The following DGLUCY variants were observed in gnomAD, a reference collection of about 807,000 sequenced individuals.
DGLUCY encodes D-glutamate cyclase, mitochondrial.
DGLUCY carries 58 observed loss-of-function variants against 58.5 expected under a neutral mutation model. The ratio of observed to expected loss-of-function variants is 0.99; its 90% CI spans 0.80 to 1.23. The LOEUF is 1.23. Ranked by LOEUF, DGLUCY falls within the 50% of genes most tolerant of loss-of-function variation. The pLI is 0.00. For synonymous variants in DGLUCY, 325 were observed against 314.1 expected, an observed-to-expected ratio of 1.03 and a Z score of -0.37; for missense variants, 779 against 784.7, an observed-to-expected ratio of 0.99 and a Z score of 0.09.
intron 10 of DGLUCY, among the ~76,000 whole-genome samples, chr14:91,197,931 G>A (rs2050317809): frequency 6.6e-6 from 1 of 152,148 alleles, no homozygotes; most frequent in African/African-American, 2.4e-5. Flanking sequence ...GGATCATATG[G>A]TATGTTCTAT....
At chr14:91,106,326 C>G (rs76086179), upstream of DGLUCY, among the ~76,000 whole-genome samples, 1 of 151,248 alleles carries the variant, frequency 6.6e-6, no homozygotes. Context: ...CCCCAAAAAA[C>G]TTATGGACCA....
chr14:91,169,405 TTC>T (rs199637038), intron 4 of DGLUCY, among the ~76,000 whole-genome samples: 4 of 151,068 alleles, frequency 2.6e-5, no homozygotes, highest in African/African-American at 7.3e-5. Context: ...TTTCTTCTTC[TTC>T]TTTTTTTTTT....
chr14:91,106,949 T>C (rs763244029), upstream of DGLUCY, among the ~76,000 whole-genome samples: 8 of 152,240 alleles, frequency 5.3e-5, no homozygotes, highest in Non-Finnish European at 1.5e-5. Flanking sequence ...TTCATCCATT[T>C]AAAGTTTTGG....
chr14:91,081,450 G>A (rs1218301284), intron 1 of DGLUCY, among the ~76,000 whole-genome samples: 5 of 152,200 alleles, frequency 3.3e-5, no homozygotes, highest in Non-Finnish European at 7.4e-5. Flanking sequence ...CCTTTCCAAA[G>A]GGTGATATTT....
chr14:91,099,463 G>T (rs2044448673), intron 1 of DGLUCY, among the ~76,000 whole-genome samples: 1 of 151,510 alleles, frequency 6.6e-6, no homozygotes, highest in African/African-American at 2.4e-5. Context: ...AGCCCAGAAG[G>T]TTGAGGCTGC....
intron 1 of DGLUCY, among the ~76,000 whole-genome samples, chr14:91,090,859 A>C (rs1430702162): frequency 1.3e-5 from 2 of 152,182 alleles, no homozygotes; most frequent in Non-Finnish European, 2.9e-5. Context: ...ACTGTGGGTG[A>C]GCATCCTACA....
At chr14:91,157,973 G>C (rs2140333703) in intron 2 of DGLUCY, among the ~76,000 whole-genome samples, 1 of 152,346 alleles carries the variant, frequency 6.6e-6, no homozygotes, top group Non-Finnish European at 1.5e-5. Context: ...AATAATGAGG[G>C]TGGGTGGAGG....
In DGLUCY at chr14:91,224,749, C is replaced by T. The variant is rs1005752082; in HGVS notation, c.1782C>T (p.Gly594=). Residue 594 remains glycine (G), a synonymous_variant, in exon 14 of 14, where the codon GGC becomes GGT. Coordinates refer to ENST00000256324, the MANE Select transcript of DGLUCY (RefSeq NM_001102368.3). ...GGAGTGGCGTCTCGGGCATCGTGGG[C>T]ATGGAGGTGGATGGGCTGCCCTTCC... ...KVRSGVSGIV[G]MEVDGLPFHN... 1 of 1,613,742 alleles carries T rather than the reference C, an allele frequency of 6.2e-7. No individual in the cohort carries two copies. The highest frequency in any genetic ancestry group is 8.5e-7 in the Non-Finnish European group (1 of 1,179,820).
chr14:91,074,104 A>AT (rs1376036259), intron 1 of DGLUCY, among the ~76,000 whole-genome samples: 77 of 96,084 alleles, frequency 8.0e-4, no homozygotes, highest in African/African-American at 2.2e-3. Context: ...AAAAAAAAAA[A>AT]ATATATATAT....
chr14:91,173,465 G>A, intron 6 of DGLUCY, 26 bp downstream of exon 6: 1 of 1,570,564 alleles, frequency 6.4e-7, no homozygotes, highest in South Asian at 1.2e-5. Context: ...TCCTGCCCAT[G>A]ATCTTCCTGT....
chr14:91,096,630 T>C (rs2044399031), intron 1 of DGLUCY, among the ~76,000 whole-genome samples: 1 of 152,132 alleles, frequency 6.6e-6, no homozygotes, highest in Non-Finnish European at 1.5e-5. Flanking sequence ...CCTTAGAGTG[T>C]CGGGGTCCAC....
At chr14:91,164,170 G>GAACTCCTGACCTCAAGTGATCTGCC (rs1489285971) in intron 3 of DGLUCY, among the ~76,000 whole-genome samples, 1 of 152,004 alleles carries the variant, frequency 6.6e-6, no homozygotes. Flanking sequence ...GGCTGGTCTC[G>GAACTCCTGACCTCAAGTGATCTGCC]AACTCCTGAC....
chr14:91,060,521 G>A, exon 1 of DGLUCY: 2 of 1,238,226 alleles, frequency 1.6e-6, no homozygotes. Context: ...CGCTGCCGCG[G>A]CCCCAGGAGT....
chr14:91,150,710 G>C (rs1301073087), intron 1 of DGLUCY, among the ~76,000 whole-genome samples: 1 of 152,246 alleles, frequency 6.6e-6, no homozygotes, highest in South Asian at 2.1e-4. Flanking sequence ...CCAGGCATGA[G>C]CCACCACACC....
chr14:91,117,622 G>A (rs1458595194), intron 1 of DGLUCY, among the ~76,000 whole-genome samples: 1 of 150,084 alleles, frequency 6.7e-6, no homozygotes, highest in Admixed American at 6.7e-5. Flanking sequence ...ACAATGCCTG[G>A]CACAGAGTAA....
At chr14:91,077,815 G>C (rs1566932250) in intron 1 of DGLUCY, among the ~76,000 whole-genome samples, 2 of 149,188 alleles carry the variant, frequency 1.3e-5, no homozygotes, top group Non-Finnish European at 3.0e-5. Flanking sequence ...AAAGGAGAGA[G>C]AGAAAGAAAG....
At chr14:91,117,368 C>T (rs1220432966) in intron 1 of DGLUCY, among the ~76,000 whole-genome samples, 1 of 152,120 alleles carries the variant, frequency 6.6e-6, no homozygotes, top group Admixed American at 6.6e-5. Context: ...GCCTAAGTTC[C>T]TGGGAATGCA....
chr14:91,207,786 G>A (rs1416361849), intron 12 of DGLUCY, among the ~76,000 whole-genome samples: 1 of 148,404 alleles, frequency 6.7e-6, no homozygotes, highest in Non-Finnish European at 1.5e-5. Flanking sequence ...CACTCTTGTT[G>A]CCGAGGCTGG....
intron 1 of DGLUCY, among the ~76,000 whole-genome samples, chr14:91,133,166 G>C (rs571866380): frequency 6.6e-6 from 1 of 151,956 alleles, no homozygotes; most frequent in Admixed American, 6.6e-5. Context: ...GTGGTAGCAG[G>C]CGTCTGTAAT....
Sources: allele counts gnomAD v4.1 joint callset (sites outside exome capture counted in the v4.1 genomes callset), GRCh38; gene constraint gnomAD v4.1.1; transcripts MANE v1.5; gene names NCBI Gene and HGNC (gene_info 2026-07-23, HGNC 2026-07-21).